ZNF429: variants seen among roughly 807,000 people sequenced by gnomAD.
ZNF429 encodes the protein zinc finger protein 429.
Under a neutral mutation model 56.8 loss-of-function variants are expected in ZNF429, and 53 were observed. The ratio of observed to expected loss-of-function variants is 0.93; its 90% CI spans 0.75 to 1.17. The LOEUF (loss-of-function observed/expected upper bound fraction) is 1.17. ZNF429 is among the 50% of genes most tolerant of loss of function. The pLI is 0.00. For synonymous variants in ZNF429, 278 were observed against 264.7 expected (o/e 1.05, Z -0.49); for missense variants, 849 against 788.4 (o/e 1.08, Z -0.92).
chr19:21,519,745 T>A (rs116550349), intron 1 of ZNF429, among the ~76,000 whole-genome samples: 259 of 152,342 alleles, frequency 1.7e-3, no homozygotes, highest in African/African-American at 6.0e-3. Flanking sequence ...TCCAGTCTCC[T>A]AATTCCCACA....
At chr19:21,530,712 C>G in intron 3 of ZNF429, 28 bp downstream of exon 3, 1 of 1,543,038 alleles carries the variant, frequency 6.5e-7, no homozygotes, top group South Asian at 1.2e-5. Context: ...CAACAGACAA[C>G]ACAGATGAGA....
chr19:21,529,894 C>T, intron 2 of ZNF429, 110 bp downstream of exon 2: 2 of 824,200 alleles, frequency 2.4e-6, no homozygotes, highest in Non-Finnish European at 3.4e-6. Context: ...GTTTCAGATT[C>T]CTGCTTTTAA....
In ZNF429 at chr19:21,538,001, C is replaced by T. The variant is rs2562473; in HGVS notation, c.1948C>T (p.His650Tyr). The change falls in exon 4 of 4, where the codon CAT (histidine) becomes TAT (tyrosine). Residue 650 changes from histidine to tyrosine, a missense_variant. Transcript: ENST00000358491. ...KKIHRMGVVA[H>Y]ACNPSTLGGR... ...AATTCATAGGATGGGTGTGGTGGCT[C>T]ATGCCTGTAATCCCAGCACTTTGGG... The T allele has an allele frequency of 0.19, 311,614 of 1,612,854 alleles. 30,855 individuals carry two copies. Among genetic ancestry groups the T allele is most frequent in the Middle Eastern group, 0.23 (1,390 of 6,062 alleles).
chr19:21,521,043 A>G (rs1373645724), intron 1 of ZNF429, among the ~76,000 whole-genome samples: 3 of 152,234 alleles, frequency 2.0e-5, no homozygotes, highest in Non-Finnish European at 4.4e-5. Context: ...TACAGACATC[A>G]TGACTAGTAC....
chr19:21,539,822 C>T lies in ZNF429; in HGVS notation c.*1744C>T, dbSNP rs2033859000. On this transcript the variant is annotated 3_prime_UTR_variant, in exon 4 of 4. Transcript: ENST00000358491. ...AGTATCAAATTACTTCATGCTGTTT[C>T]ATTGTTCCTATTCACATGTGAAAGC... Among the ~76,000 whole-genome samples, 1 of 152,076 alleles carries T rather than the reference C, an allele frequency of 6.6e-6. No individual in the cohort carries two copies. The highest frequency in any genetic ancestry group is 1.5e-5 in the Non-Finnish European group (1 of 68,022).
Position 21,537,191 on chromosome 19 carries a change from C to T in ZNF429, c.1138C>T (p.Gln380Ter). Residue 380 changes from glutamine to a stop codon, truncating the protein, a stop_gained, in exon 4 of 4, where the codon CAG becomes TAG. Coordinates refer to ENST00000358491, the MANE Select transcript of ZNF429 (RefSeq NM_001001415.4). LOFTEE classifies it high-confidence loss of function. ...KCEECGKAFN[Q>*]SSRLTRHKKI... Reference sequence around the variant, plus strand: ...TGAAGAATGTGGCAAAGCTTTTAACCAGTCTTCAAGACTTACTCGACATAA... The same window carrying T: ...TGAAGAATGTGGCAAAGCTTTTAACTAGTCTTCAAGACTTACTCGACATAA... 1 of 1,613,230 alleles carries T rather than the reference C, an allele frequency of 6.2e-7. No individual in the cohort carries two copies.
At chr19:21,507,654 T>C (rs1184109779) in intron 1 of ZNF429, 1 of 152,392 alleles carries the variant, frequency 6.6e-6, no homozygotes, top group Non-Finnish European at 1.5e-5. Context: ...AACCAAGATA[T>C]CAGTCATGGC....
rs746886661 is a variant in ZNF429, at chr19:21,537,557, A to T, written c.1504A>T (p.Ile502Phe). ...QSSNLNSHKK[I>F]HSGEKPYKCE... is the part of the protein sequence containing the mutation. ...CTCAAACCTTAACAGTCATAAAAAA[A>T]TTCATAGTGGAGAGAAACCCTACAA... Residue 502 changes from isoleucine (I) to phenylalanine (F), a missense_variant, in exon 4 of 4, where the codon ATT becomes TTT. Physicochemically the swap from Ile to Phe is conservative, Grantham distance 21. Coordinates refer to ENST00000358491, the MANE Select transcript of ZNF429 (RefSeq NM_001001415.4). 15 of 1,613,622 alleles carry T rather than the reference A, an allele frequency of 9.3e-6. 1 individual carries two copies. The South Asian group carries it at 1.3e-4, about 14-fold the overall frequency.
chr19:21,515,240 C>CTTTT (rs35926199), intron 1 of ZNF429, among the ~76,000 whole-genome samples: 53 of 128,122 alleles, frequency 4.1e-4, no homozygotes, highest in Non-Finnish European at 7.1e-4. Context: ...TGTGCCTGGC[C>CTTTT]TTTTTTTTTT....
chr19:21,506,007 C>T, intron 1 of ZNF429: 1 of 407,804 alleles, frequency 2.5e-6, no homozygotes, highest in Non-Finnish European at 4.7e-6. Flanking sequence ...ACGTGTAGCC[C>T]TGTCTGGGGA....
intron 3 of ZNF429, among the ~76,000 whole-genome samples, chr19:21,534,305 T>TAAAGGC: frequency 3.6e-5 from 4 of 111,748 alleles, no homozygotes; most frequent in Non-Finnish European, 6.0e-5. Flanking sequence ...TTTCCAGTTT[T>TAAAGGC]ACTTTTGCTT....
intron 1 of ZNF429, among the ~76,000 whole-genome samples, chr19:21,520,100 C>T (rs1231674900): frequency 6.6e-6 from 1 of 152,134 alleles, no homozygotes; most frequent in Non-Finnish European, 1.5e-5. Context: ...CTCAGGCAGT[C>T]CACCTGCCTC....
At chr19:21,510,763 T>C (rs1032402955) in intron 1 of ZNF429, among the ~76,000 whole-genome samples, 3 of 151,446 alleles carry the variant, frequency 2.0e-5, no homozygotes, top group Admixed American at 6.6e-5. Context: ...GTACTTGAGA[T>C]TAGGGAGTGG....
Position 21,530,604 on chromosome 19 carries a change from A to T in ZNF429, c.146A>T (p.Lys49Met). Residue 49 changes from lysine (K) to methionine (M), a missense_variant, in exon 3 of 4, where the codon AAG becomes ATG. Lys to Met is a moderately conservative substitution (Grantham distance 95, BLOSUM62 -1). Coordinates refer to ENST00000358491, the MANE Select transcript of ZNF429 (RefSeq NM_001001415.4). ...NLVFLGIAVS[K>M]PDLITCLEKE... Reference sequence around the variant, plus strand: ...AATAAAACAGGTATTGCTGTTTCTAAGCCAGACCTAATCACTTGTCTAGAG... The same window carrying T: ...AATAAAACAGGTATTGCTGTTTCTATGCCAGACCTAATCACTTGTCTAGAG... 1 of 1,607,704 alleles carries T rather than the reference A, an allele frequency of 6.2e-7. No homozygotes were observed. The highest frequency in any genetic ancestry group is 1.3e-5 in the African/African-American group (1 of 74,650).
At chr19:21,530,796 CT>C in intron 3 of ZNF429, 112 bp downstream of exon 3, 16 of 853,648 alleles carry the variant, frequency 1.9e-5, no homozygotes, top group Admixed American at 8.7e-5. Flanking sequence ...AAAATATTTT[CT>C]GAAAAACTGT....
intron 1 of ZNF429, among the ~76,000 whole-genome samples, chr19:21,528,879 TAGTGC>T: frequency 6.6e-6 from 1 of 152,336 alleles, no homozygotes; most frequent in Non-Finnish European, 1.5e-5. Context: ...AAATTTGTCC[TAGTGC>T]AGTTGATGTT....
chr19:21,521,424 A>T (rs1416521026), intron 1 of ZNF429: 1 of 152,232 alleles, frequency 6.6e-6, no homozygotes, highest in Non-Finnish European at 1.5e-5. Context: ...AGAGCAACAG[A>T]CATGAAAGAA....
At chr19:21,526,872 T>C (rs2033190315) in intron 1 of ZNF429, among the ~76,000 whole-genome samples, 1 of 152,344 alleles carries the variant, frequency 6.6e-6, no homozygotes, top group Non-Finnish European at 1.5e-5. Flanking sequence ...GCAGTCAATC[T>C]GGAGCTAAAA....
At chr19:21,526,662 T>C (rs1372784170) in intron 1 of ZNF429, among the ~76,000 whole-genome samples, 1 of 152,254 alleles carries the variant, frequency 6.6e-6, no homozygotes, top group African/African-American at 2.4e-5. Flanking sequence ...TTAATAGTGC[T>C]GCACTGTGCA....
Sources: allele counts gnomAD v4.1 joint callset (sites outside exome capture counted in the v4.1 genomes callset), GRCh38; gene constraint gnomAD v4.1.1; transcripts MANE v1.5; gene names NCBI Gene and HGNC (gene_info 2026-07-23, HGNC 2026-07-21).